Variants in EPHB1 observed in about 807,000 individuals in gnomAD.
The protein encoded by EPHB1 is EPH receptor B1.
A neutral mutation model predicts 94.4 loss-of-function variants in EPHB1; 30 were observed. The observed-to-expected ratio is 0.32, with a 90% CI of 0.24 to 0.43. EPHB1 has a LOEUF of 0.43. EPHB1 is among the 20% of genes least tolerant of loss of function. The pLI is 1.00. For missense variants in EPHB1, 1,055 were observed against 1,308.3 expected, an observed-to-expected ratio of 0.81 and a Z score of 2.99; for synonymous variants, 522 against 489.1, an observed-to-expected ratio of 1.07 and a Z score of -0.89.
intron 1 of EPHB1, among the ~76,000 whole-genome samples, chr3:134,888,578 T>A (rs1370048399): frequency 6.6e-6 from 1 of 151,894 alleles, no homozygotes; most frequent in East Asian, 1.9e-4. Flanking sequence ...TGTGGTGGCA[T>A]GTGCCTGTAA....
intron 3 of EPHB1, among the ~76,000 whole-genome samples, chr3:134,972,534 T>A (rs1934017664): frequency 6.9e-6 from 1 of 144,152 alleles, no homozygotes; most frequent in Non-Finnish European, 1.5e-5. Context: ...TTATTATAAA[T>A]ATATATTATT....
intron 1 of EPHB1, among the ~76,000 whole-genome samples, chr3:134,903,772 A>G (rs2038255754): frequency 6.6e-6 from 1 of 152,184 alleles, no homozygotes; most frequent in African/African-American, 2.4e-5. Context: ...TTGGAAGGAA[A>G]GATTTGTGAA....
chr3:134,852,309 TC>T (rs2037005812), intron 1 of EPHB1, among the ~76,000 whole-genome samples: 1 of 152,084 alleles, frequency 6.6e-6, no homozygotes, highest in Non-Finnish European at 1.5e-5. Flanking sequence ...CACAGATGGC[TC>T]TGTCAAATCT....
chr3:134,863,678 C>T (rs1283977791), intron 1 of EPHB1, among the ~76,000 whole-genome samples: 1 of 152,152 alleles, frequency 6.6e-6, no homozygotes, highest in Non-Finnish European at 1.5e-5. Flanking sequence ...TTTTCATTTG[C>T]TCTTTCACCA....
Position 135,249,208 on chromosome 3 carries a change from A to C in EPHB1, c.2691-128A>C, listed in dbSNP as rs1450777756. On this transcript the variant is annotated intron_variant, in intron 14 of 15. Transcript: ENST00000398015. ...TCCATGAAGAAGAAAGGTTCAGCCC[A>C]GGGCTCCACTATAATCCTCATTCCA... The C allele has an allele frequency of 2.7e-6, 3 of 1,106,180 alleles. No individual in the cohort carries two copies. The African/African-American group carries it at 4.7e-5, about 17-fold the overall frequency. 68.5% of individuals were successfully genotyped at this position (1,106,180 alleles called of 1,614,324 possible). A position where few individuals can be genotyped will look rare whatever the true frequency, so the allele number is the denominator to read the frequency against.
In EPHB1 at chr3:134,876,851, G is replaced by T. The variant is rs375649176; in HGVS notation, c.59-48965G>T. Reference sequence around the variant, plus strand: ...AATCCAGGGCTGGCAAACACATTTGGTTCTAGCAAACCTTCTTTGACTGCT... The same window carrying T: ...AATCCAGGGCTGGCAAACACATTTGTTTCTAGCAAACCTTCTTTGACTGCT... On this transcript the variant is annotated intron_variant, in intron 1 of 15. Coordinates refer to ENST00000398015, the MANE Select transcript of EPHB1 (RefSeq NM_004441.5). 1.8e-3 allele frequency among the ~76,000 whole-genome samples: 280 copies of T among 152,302 alleles called. 1 individual carries two copies. Among genetic ancestry groups the T allele is most frequent in the Non-Finnish European group, 3.1e-3 (210 of 68,028 alleles).
intron 2 of EPHB1, among the ~76,000 whole-genome samples, chr3:134,932,617 A>G (rs1371534228): frequency 2.0e-5 from 3 of 152,140 alleles, no homozygotes; most frequent in South Asian, 2.1e-4. Flanking sequence ...TTTCTGCTCA[A>G]TGGGGTAAGG....
intron 1 of EPHB1, among the ~76,000 whole-genome samples, chr3:134,851,509 C>T (rs928871653): frequency 6.6e-6 from 1 of 152,164 alleles, no homozygotes; most frequent in Admixed American, 6.5e-5. Flanking sequence ...CTGTAGCCAC[C>T]CGTATGCACT....
chr3:135,208,728 G>A (rs1942963571), intron 12 of EPHB1, among the ~76,000 whole-genome samples: 1 of 152,204 alleles, frequency 6.6e-6, no homozygotes. Context: ...ATCAAAATTG[G>A]AGGTATTAGT....
intron 10 of EPHB1, among the ~76,000 whole-genome samples, chr3:135,180,995 A>G (rs1451084554): frequency 2.6e-5 from 4 of 152,200 alleles, no homozygotes; most frequent in Non-Finnish European, 5.9e-5. Flanking sequence ...TGCCTCTCTC[A>G]ATAATATTTT....
chr3:135,182,439 C>T (rs1160100302), intron 10 of EPHB1, among the ~76,000 whole-genome samples: 1 of 152,132 alleles, frequency 6.6e-6, no homozygotes, highest in Non-Finnish European at 1.5e-5. Context: ...CAGGCTTTTA[C>T]TGAATACTTC....
At chr3:135,009,189 C>T (rs960865104) in intron 3 of EPHB1, among the ~76,000 whole-genome samples, 1 of 152,184 alleles carries the variant, frequency 6.6e-6, no homozygotes, top group African/African-American at 2.4e-5. Context: ...CCTCTGATGC[C>T]TGGCCCATCT....
At chr3:135,082,840 G>C (rs937967708) in intron 3 of EPHB1, among the ~76,000 whole-genome samples, 4 of 152,224 alleles carry the variant, frequency 2.6e-5, no homozygotes, top group African/African-American at 9.6e-5. Context: ...GTACTGGCAG[G>C]CTGATTCATA....
chr3:134,853,284 C>T (rs2037031476), intron 1 of EPHB1, among the ~76,000 whole-genome samples: 1 of 152,194 alleles, frequency 6.6e-6, no homozygotes, highest in Non-Finnish European at 1.5e-5. Context: ...CCTAGCCCTC[C>T]CTGGGTCACC....
chr3:134,849,818 G>A (rs971395965), intron 1 of EPHB1, among the ~76,000 whole-genome samples: 4 of 152,162 alleles, frequency 2.6e-5, no homozygotes, highest in African/African-American at 7.2e-5. Context: ...CTGTTACCCC[G>A]TTCTTAGAAT....
intron 1 of EPHB1, among the ~76,000 whole-genome samples, chr3:134,888,789 T>C (rs569786997): frequency 6.6e-6 from 1 of 152,006 alleles, no homozygotes; most frequent in South Asian, 2.1e-4. Context: ...GTAATTTACA[T>C]ATCCATTAAA....
intron 3 of EPHB1, among the ~76,000 whole-genome samples, chr3:134,993,991 C>A (rs962242106): frequency 2.0e-5 from 3 of 152,184 alleles, no homozygotes; most frequent in African/African-American, 7.2e-5. Context: ...TTTCACTGAA[C>A]CTTCAGGTTT....
chr3:135,165,930 G>T (rs1336979214), intron 7 of EPHB1, 38 bp from the exon 8 acceptor site: 1 of 1,498,080 alleles, frequency 6.7e-7, no homozygotes, highest in African/African-American at 1.4e-5. Flanking sequence ...TATGCAAAAG[G>T]CACATGGGGA....
chr3:134,979,239 A>G (rs1934313042), intron 3 of EPHB1, among the ~76,000 whole-genome samples: 1 of 87,104 alleles, frequency 1.1e-5, no homozygotes, highest in Non-Finnish European at 2.3e-5. Flanking sequence ...TCAAGTGATT[A>G]GATCTTTGGA....
Sources: allele counts gnomAD v4.1 joint callset (sites outside exome capture counted in the v4.1 genomes callset), GRCh38; gene constraint gnomAD v4.1.1; transcripts MANE v1.5; gene names NCBI Gene and HGNC (gene_info 2026-07-23, HGNC 2026-07-21).